The following EYS variants were observed in gnomAD, a reference collection of about 807,000 sequenced individuals.
EYS encodes protein eyes shut homolog.
EYS carries 250 observed loss-of-function variants against 282.1 expected under a neutral mutation model. The observed-to-expected ratio is 0.89, with a 90% confidence interval of 0.80 to 0.98. EYS has a LOEUF of 0.98. EYS is among the 50% of genes least tolerant of loss of function. EYS has a pLI of 0.00. For synonymous variants in EYS, 1,355 were observed against 1,282.9 expected (o/e 1.06, Z -1.20); for missense variants, 4,016 against 3,709.0 (o/e 1.08, Z -2.15).
chr6:65,245,999 TC>T (rs1366020953), intron 12 of EYS, among the ~76,000 whole-genome samples: 1 of 152,108 alleles, frequency 6.6e-6, no homozygotes, highest in Non-Finnish European at 1.5e-5. Flanking sequence ...CTTTCTATTT[TC>T]CTTATATTCC....
At chr6:63,889,012 G>A (rs1344613786) in intron 35 of EYS, among the ~76,000 whole-genome samples, 6 of 152,068 alleles carry the variant, frequency 3.9e-5, no homozygotes, top group Admixed American at 1.3e-4. Flanking sequence ...ATGAATAGCC[G>A]AATTGATCAA....
At chr6:64,322,499 G>A (rs2150385182) in intron 29 of EYS, among the ~76,000 whole-genome samples, 1 of 152,046 alleles carries the variant, frequency 6.6e-6, no homozygotes, top group East Asian at 1.9e-4. Flanking sequence ...ACGGAAGCAA[G>A]GACTTGAGGG....
intron 40 of EYS, among the ~76,000 whole-genome samples, chr6:63,770,178 A>C (rs1427726928): frequency 6.6e-6 from 1 of 152,076 alleles, no homozygotes; most frequent in Non-Finnish European, 1.5e-5. Context: ...AAGTTTAATC[A>C]CCATATAAAA....
At position 65,537,085 on chromosome 6, in the gene EYS, A is replaced by T. The variant is rs1197005787; in HGVS notation, c.-332-41092T>A. Among the ~76,000 whole-genome samples, 3 of 152,192 alleles carry T rather than the reference A, an allele frequency of 2.0e-5. No individual in the cohort carries two copies. The East Asian group carries it at 5.8e-4, about 29-fold the overall frequency. Reference sequence around the variant, plus strand: ...AGCTAGAAACCATCATTCTCAGCAAACTAACTCATGAAGAGAAAAACAAAC... The same window carrying T: ...AGCTAGAAACCATCATTCTCAGCAATCTAACTCATGAAGAGAAAAACAAAC... On this transcript the variant is annotated intron_variant, in intron 2 of 42. Transcript: ENST00000503581.
chr6:65,619,997 A>T (rs902447021), intron 2 of EYS, among the ~76,000 whole-genome samples: 1 of 151,856 alleles, frequency 6.6e-6, no homozygotes, highest in Non-Finnish European at 1.5e-5. Context: ...TTCATCAAGG[A>T]TATTGGTCTA....
intron 36 of EYS, among the ~76,000 whole-genome samples, chr6:63,815,752 A>G (rs1437508341): frequency 6.6e-6 from 1 of 152,212 alleles, no homozygotes; most frequent in African/African-American, 2.4e-5. Flanking sequence ...AAAGATCCAT[A>G]TGTCCTTAAA....
intron 5 of EYS, among the ~76,000 whole-genome samples, chr6:65,443,336 A>G (rs28971492): frequency 0.034 from 3,881 of 115,016 alleles, 357 homozygotes; most frequent in African/African-American, 0.088. Context: ...GCATACATGT[A>G]TGTACACATA....
chr6:64,815,470 G>T (rs1376394978), intron 21 of EYS, among the ~76,000 whole-genome samples: 3 of 151,936 alleles, frequency 2.0e-5, no homozygotes, highest in African/African-American at 7.2e-5. Context: ...CTGTCTCCAG[G>T]GTTTCAAGAA....
intron 28 of EYS, among the ~76,000 whole-genome samples, chr6:64,418,396 G>T (rs962065377): frequency 6.6e-6 from 1 of 152,166 alleles, no homozygotes; most frequent in African/African-American, 2.4e-5. Context: ...TTATAGGGCA[G>T]AAAGCACTAA....
intron 25 of EYS, 119 bp from the exon 26 acceptor site, chr6:64,592,108 A>C: frequency 1.7e-6 from 1 of 584,142 alleles, no homozygotes; most frequent in African/African-American, 1.9e-5. Flanking sequence ...TATGTAGACA[A>C]ATATGGTTCT....
chr6:65,085,282 A>T (rs534584136), intron 12 of EYS, among the ~76,000 whole-genome samples: 2 of 152,124 alleles, frequency 1.3e-5, no homozygotes, highest in African/African-American at 2.4e-5. Flanking sequence ...GAGAGTAATC[A>T]TATCTCACAG....
intron 22 of EYS, among the ~76,000 whole-genome samples, chr6:64,675,189 T>C (rs969997447): frequency 2.0e-5 from 3 of 152,118 alleles, no homozygotes; most frequent in Non-Finnish European, 4.4e-5. Flanking sequence ...AAGTCATGTA[T>C]AGTATACATT....
chr6:63,937,286 A>G (rs1251457532), intron 35 of EYS, among the ~76,000 whole-genome samples: 3 of 134,688 alleles, frequency 2.2e-5, no homozygotes, highest in Admixed American at 1.6e-4. Flanking sequence ...CAGATGTGCT[A>G]TTATCTGAAG....
intron 35 of EYS, among the ~76,000 whole-genome samples, chr6:63,976,114 G>T (rs76117782): frequency 6.6e-6 from 1 of 152,076 alleles, no homozygotes; most frequent in East Asian, 1.9e-4. Context: ...AAGAAAAATG[G>T]TACACCTATA....
chr6:64,111,226 T>C (rs1582284010), intron 31 of EYS, among the ~76,000 whole-genome samples: 1 of 152,040 alleles, frequency 6.6e-6, no homozygotes, highest in African/African-American at 2.4e-5. Flanking sequence ...TGTACCTCAT[T>C]GGCAGAGACT....
chr6:65,045,044 G>C (rs187202494), intron 13 of EYS, among the ~76,000 whole-genome samples: 1 of 151,700 alleles, frequency 6.6e-6, no homozygotes, highest in Non-Finnish European at 1.5e-5. Context: ...TTTAATTTCT[G>C]TCTGCTTCTG....
intron 9 of EYS, among the ~76,000 whole-genome samples, chr6:65,353,033 C>A (rs765808408): frequency 6.6e-6 from 1 of 151,932 alleles, no homozygotes; most frequent in African/African-American, 2.4e-5. Context: ...TTTCTGGCAA[C>A]CCAACTCAAT....
intron 14 of EYS, among the ~76,000 whole-genome samples, chr6:64,960,829 C>T (rs1293771072): frequency 1.3e-5 from 2 of 152,076 alleles, no homozygotes; most frequent in Non-Finnish European, 1.5e-5. Flanking sequence ...TCTGATGGTC[C>T]CCAATGTGTG....
At chr6:64,369,084 G>A (rs1232185093) in intron 29 of EYS, among the ~76,000 whole-genome samples, 3 of 152,036 alleles carry the variant, frequency 2.0e-5, no homozygotes, top group African/African-American at 2.4e-5. Context: ...TTTGTATATG[G>A]TATAAGGAAA....
Sources: allele counts gnomAD v4.1 joint callset (sites outside exome capture counted in the v4.1 genomes callset), GRCh38; gene constraint gnomAD v4.1.1; transcripts MANE v1.5; gene names NCBI Gene and HGNC (gene_info 2026-07-23, HGNC 2026-07-21).